The following FGR variants were observed in gnomAD, a reference collection of about 807,000 sequenced individuals.
FGR encodes the protein FGR proto-oncogene, Src family tyrosine kinase, also known as tyrosine-protein kinase Fgr.
A neutral mutation model predicts 63.2 loss-of-function variants in FGR; 26 were observed. The ratio of observed to expected loss-of-function variants is 0.41; its 90% CI spans 0.30 to 0.57. The LOEUF (loss-of-function observed/expected upper bound fraction) is 0.57. Among genes scored for constraint, FGR ranks in the 20% least tolerant of loss-of-function variants. The pLI is 0.27. For synonymous variants in FGR, 286 were observed against 277.7 expected, an observed-to-expected ratio of 1.03 and a Z score of -0.30; for missense variants, 511 against 690.8, an observed-to-expected ratio of 0.74 and a Z score of 2.92.
At chr1:27,614,756 C>A (rs1195171472) in intron 10 of FGR, 94 bp downstream of exon 10, 3 of 1,357,174 alleles carry the variant, frequency 2.2e-6, no homozygotes, top group Non-Finnish European at 3.1e-6. Context: ...ATGCAGGGGG[C>A]GGGGCCGCCC....
intron 1 of FGR, among the ~76,000 whole-genome samples, chr1:27,634,548 C>T (rs2090151847): frequency 1.3e-5 from 2 of 152,184 alleles, no homozygotes; most frequent in African/African-American, 4.8e-5. Context: ...AATTGCACCC[C>T]AGGTTCTCCG....
chr1:27,614,539 G>A lies in FGR; in HGVS notation c.1140C>T (p.His380=). 1 of 1,614,098 alleles carries A rather than the reference G, an allele frequency of 6.2e-7. No individual in the cohort carries two copies. Among genetic ancestry groups the A allele is most frequent in the Non-Finnish European group, 8.5e-7 (1 of 1,179,982 alleles). ...GGATGTTGGCTGCCCTCAGGTCGCG[G>A]TGAATGTAGTTCATGCGTTCCATGT... ...MAYMERMNYI[H]RDLRAANILV... Residue 380 remains histidine, a synonymous_variant, in exon 11 of 13, where the codon CAC becomes CAT. Coordinates refer to ENST00000374005, the MANE Select transcript of FGR (RefSeq NM_005248.3).
intron 11 of FGR, 87 bp from the exon 12 acceptor site, chr1:27,613,437 T>C: frequency 2.7e-6 from 4 of 1,469,822 alleles, no homozygotes; most frequent in Non-Finnish European, 3.7e-6. Context: ...GCGCAGTGGC[T>C]CACGTCTGTA....
chr1:27,633,233 G>C (rs550659327), intron 1 of FGR, among the ~76,000 whole-genome samples: 1 of 152,144 alleles, frequency 6.6e-6, no homozygotes, highest in Admixed American at 6.5e-5. Context: ...CATCAGAGAC[G>C]AGATGTCCTG....
In FGR at chr1:27,615,563, T is replaced by G. The variant is rs1416829600; in HGVS notation, c.889A>C (p.Thr297Pro). Residue 297 changes from threonine (T) to proline (P), a missense_variant, in exon 9 of 13, where the codon ACC becomes CCC. By Grantham distance (38) the Thr-to-Pro change is conservative (BLOSUM62 -1). Transcript: ENST00000374005. The surrounding 1 kb of genome is among the most constrained non-coding windows in gnomAD (Gnocchi z 7.6). ...TCCAGGAAGGCCTTCGGGGACATGG[T>G]GCCCGGCTTCAGCGTCTTCACCGCC... ...KVAVKTLKPGTMSPKAFLEEA... is the reference protein window; with the variant it reads ...KVAVKTLKPGPMSPKAFLEEA... 6.2e-7 allele frequency: 1 copy of G among 1,613,700 alleles called. No homozygotes were observed. Among genetic ancestry groups the G allele is most frequent in the Non-Finnish European group, 8.5e-7 (1 of 1,179,648 alleles).
chr1:27,627,461 C>T (rs2090040121), intron 1 of FGR, among the ~76,000 whole-genome samples: 1 of 151,986 alleles, frequency 6.6e-6, no homozygotes, highest in Admixed American at 6.6e-5. Context: ...CACACACACA[C>T]ACACACACAC....
At position 27,618,813 on chromosome 1, in the gene FGR, G is replaced by A. The variant is rs183216613; in HGVS notation, c.429-1517C>T. Among the ~76,000 whole-genome samples, 91 of 152,214 alleles carry A rather than the reference G, an allele frequency of 6.0e-4. 1 individual carries two copies. The highest frequency in any genetic ancestry group is 1.7e-3 in the African/African-American group (71 of 41,532). On this transcript the variant is annotated intron_variant, in intron 5 of 12. Transcript: ENST00000374005. ...AAACTATTCTAAGTTCCATCTTGCC[G>A]TCAACATTCTGCTGTATCTTCTCGC...
rs745594054 is a variant in FGR, at chr1:27,613,091, C to T, written c.1413G>A (p.Val471=). 18 of 1,614,104 alleles carry T rather than the reference C, an allele frequency of 1.1e-5. No individual in the cohort carries two copies. In the South Asian group the frequency reaches 1.6e-4, roughly 15 times the overall value. The part of the protein sequence containing the change: ...GMNKREVLEQ[V]EQGYHMPCPP... ...GGCACGGCATGTGGTAGCCCTGCTC[C>T]ACCTGTTCCAACACTTCCCGTTTAT... Residue 471 remains valine (V), a synonymous_variant, in exon 13 of 13, where the codon GTG becomes GTA. Coordinates refer to ENST00000374005, the MANE Select transcript of FGR (RefSeq NM_005248.3).
In FGR at chr1:27,615,831, C is replaced by T. The variant is rs1335039216; in HGVS notation, c.696G>A (p.Gly232=). 6.3e-7 allele frequency: 1 copy of T among 1,591,474 alleles called. No homozygotes were observed. Among genetic ancestry groups the T allele is most frequent in the African/African-American group, 1.3e-5 (1 of 74,524 alleles). Residue 232 remains glycine, a synonymous_variant, in exon 8 of 13, where the codon GGG becomes GGA. Transcript: ENST00000374005. The surrounding 1 kb of genome is among the most constrained non-coding windows in gnomAD (Gnocchi z 7.6). ...AGGGCGCGATGAGCAGGTTGCACAG[C>T]CCGTCATTCACCTCTAGGGGAGGGG... ...LVQHYMEVND[G]LCNLLIAPCT... is the part of the protein sequence containing the mutation.
At position 27,634,110 on chromosome 1, in the gene FGR, G is replaced by A. The variant is rs183115167; in HGVS notation, c.-77+955C>T. 3.8e-3 allele frequency among the ~76,000 whole-genome samples: 557 copies of A among 147,888 alleles called. 17 individuals are homozygous for A. The highest frequency in any genetic ancestry group is 2.6e-3 in the East Asian group (13 of 4,914). On this transcript the variant is annotated intron_variant, in intron 1 of 12. Transcript: ENST00000374005. ...GCCCACCCCCCACCCACCAGACCGA[G>A]GATTCCAAAAGGGGGCGAAGGCGGA... is the stretch of plus-strand genomic sequence containing the variant.
chr1:27,623,554 G>T, intron 3 of FGR, 137 bp downstream of exon 3: 2 of 872,362 alleles, frequency 2.3e-6, no homozygotes, highest in Non-Finnish European at 3.7e-6. Flanking sequence ...GACTCCCTCA[G>T]CCCATGTGAT....
At chr1:27,618,188 C>T (rs1485335371) in intron 5 of FGR, among the ~76,000 whole-genome samples, 1 of 152,114 alleles carries the variant, frequency 6.6e-6, no homozygotes, top group Non-Finnish European at 1.5e-5. Context: ...TCCAGGAGGG[C>T]AGGCAGGAGG....
rs759367098 is a variant in FGR at position 27,621,659 on chromosome 1, T to C, written c.330-2A>G. 6.2e-7 allele frequency: 1 copy of C among 1,612,742 alleles called. No individual in the cohort carries two copies. The highest frequency in any genetic ancestry group is 8.5e-7 in the Non-Finnish European group (1 of 1,178,814). ...CGAGCCTCCCACCAGTCACCTTCAC[T>C]GTAGGCACAGAACAGGGCATGGTCA... On this transcript the variant is annotated splice_acceptor_variant, in intron 4 of 12. Coordinates refer to ENST00000374005, the MANE Select transcript of FGR (RefSeq NM_005248.3). LOFTEE classifies it high-confidence loss of function.
intron 1 of FGR, among the ~76,000 whole-genome samples, chr1:27,632,638 G>A (rs2090121884): frequency 6.6e-6 from 1 of 152,060 alleles, no homozygotes; most frequent in South Asian, 2.1e-4. Context: ...GGGTAAAAGT[G>A]GTTTTCCACC....
At position 27,615,891 on chromosome 1, in the gene FGR, C is replaced by T. The variant is rs1482572861; in HGVS notation, c.683-47G>A. On this transcript the variant is annotated intron_variant, in intron 7 of 12. Transcript: ENST00000374005. This position sits in a 1 kb window ranked among gnomAD's most constrained non-coding sequence, Gnocchi z 7.6. ...AGAGTCACAGGTGGGCCAGGACACC[C>T]CCCTCCACTCCTTATCCTATCCCAG... 2.7e-6 allele frequency: 4 copies of T among 1,506,526 alleles called. No individual in the cohort carries two copies. Among genetic ancestry groups the T allele is most frequent in the East Asian group, 4.9e-5 (2 of 40,608 alleles). The allele number at this position is 1,506,526 out of a possible 1,614,324, so 93.3% of individuals were successfully genotyped here.
chr1:27,630,106 A>G (rs779721944), intron 1 of FGR, among the ~76,000 whole-genome samples: 1 of 152,118 alleles, frequency 6.6e-6, no homozygotes, highest in Non-Finnish European at 1.5e-5. Context: ...AGGCTGGAGT[A>G]AAGTGGCACA....
intron 10 of FGR, 81 bp from the exon 11 acceptor site, chr1:27,614,664 T>G: frequency 2.0e-6 from 3 of 1,528,576 alleles, no homozygotes; most frequent in Non-Finnish European, 2.7e-6. Context: ...AGGGACCATT[T>G]GAAAAACCCA....
In FGR at chr1:27,628,436, TACAG is replaced by T; in HGVS notation, c.-76-3289_-76-3286del. On this transcript the variant is annotated intron_variant, in intron 1 of 12. Transcript: ENST00000374005. The stretch of plus-strand genomic sequence containing the variant: ...ATTTCTCTCCATTGCCTATCACAGA[TACAG>T]ACAGATGCAGCCATTCCTGCTAGCA... Among the ~76,000 whole-genome samples the T allele has an allele frequency of 2.6e-5, 4 of 151,298 alleles. No individual in the cohort carries two copies. In the Middle Eastern group the frequency reaches 0.01, roughly 386 times the overall value.
chr1:27,621,761 C>G (rs2089931541), intron 4 of FGR, 104 bp from the exon 5 acceptor site: 5 of 815,604 alleles, frequency 6.1e-6, no homozygotes, highest in Non-Finnish European at 8.5e-6. Context: ...CCTGCCAAAC[C>G]CTCATCTTGG....
Sources: gnomAD v4.1 joint callset for allele counts (sites outside exome capture counted in the v4.1 genomes callset) on GRCh38, gnomAD v4.1.1 for gene constraint, Gnocchi (gnomAD v3.1) non-coding constraint, MANE v1.5 for transcripts, NCBI Gene and HGNC (gene_info 2026-07-23, HGNC 2026-07-21) for gene names.